Variants in TBX1 observed in about 807,000 individuals in gnomAD.
TBX1 encodes T-box transcription factor 1, also known as T-box transcription factor TBX1.
A neutral mutation model predicts 40.8 loss-of-function variants in TBX1; 16 were observed. The observed-to-expected ratio is 0.39, with a 90% CI of 0.27 to 0.60. The LOEUF (loss-of-function observed/expected upper bound fraction) is 0.60. TBX1 is among the 20% of genes least tolerant of loss of function. TBX1 has a pLI of 0.51. For synonymous variants in TBX1, 403 were observed against 336.8 expected (o/e 1.20, Z -2.15); for missense variants, 755 against 728.5 (o/e 1.04, Z -0.42).
chr22:19,770,880 G>T (rs1050446699), downstream of TBX1, among the ~76,000 whole-genome samples: 12 of 152,172 alleles, frequency 7.9e-5, no homozygotes, highest in African/African-American at 2.9e-4. Context: ...AGTGTGTCAG[G>T]CAGTGCAACC....
intron 8 of TBX1, among the ~76,000 whole-genome samples, chr22:19,779,060 T>C (rs1279978099): frequency 1.3e-5 from 2 of 152,222 alleles, no homozygotes; most frequent in African/African-American, 4.8e-5. Context: ...TGTCTGTGTC[T>C]GTGTCCTGTG....
chr22:19,778,429 T>C (rs957985322), intron 8 of TBX1, among the ~76,000 whole-genome samples: 5 of 149,680 alleles, frequency 3.3e-5, no homozygotes, highest in African/African-American at 1.2e-4. Context: ...TCTTTCTTTC[T>C]TTTCTTCTTC....
chr22:19,765,619 G>A (rs904891085), intron 4 of TBX1, 139 bp from the exon 5 acceptor site: 4 of 899,626 alleles, frequency 4.4e-6, no homozygotes, highest in Non-Finnish European at 6.8e-6. Flanking sequence ...GTAGAGGAGG[G>A]GCAGACGTGG....
chr22:19,778,449 T>C (rs1239210449), intron 8 of TBX1, among the ~76,000 whole-genome samples: 1 of 151,628 alleles, frequency 6.6e-6, no homozygotes, highest in Non-Finnish European at 1.5e-5. Context: ...CTTTTTTTTT[T>C]TTGAGACGGA....
intron 8 of TBX1, among the ~76,000 whole-genome samples, chr22:19,774,683 T>G (rs1601303725): frequency 6.6e-6 from 1 of 152,192 alleles, no homozygotes; most frequent in East Asian, 1.9e-4. Context: ...GGATGAACCC[T>G]GAGGTCCTTA....
upstream of TBX1, among the ~76,000 whole-genome samples, chr22:19,760,542 C>G (rs1158947963): frequency 7.1e-6 from 1 of 140,394 alleles, no homozygotes; most frequent in Non-Finnish European, 1.6e-5. Context: ...CCCGGCGCAC[C>G]GGTGAGCCGG....
chr22:19,773,080 G>A (rs1048465623), intron 8 of TBX1, among the ~76,000 whole-genome samples: 1 of 152,220 alleles, frequency 6.6e-6, no homozygotes, highest in South Asian at 2.1e-4. Context: ...GTTCCTCCAC[G>A]GATTCAGAGC....
At chr22:19,768,950 A>ATTATTTTTTTTTTTT (rs1601297935), downstream of TBX1, among the ~76,000 whole-genome samples, 2 of 70,724 alleles carry the variant, frequency 2.8e-5, no homozygotes, top group Non-Finnish European at 5.7e-5. Context: ...GGCTGTTCGC[A>ATTATTTTTTTTTTTT]TTCTTTTTTT....
Position 19,764,146 on chromosome 22 carries a change from C to G in TBX1, c.540-9C>G. ...TCCACATGCACGACCCCACCCCGTG[C>G]CGCTCCAGGTACGCCTTCCACAGCT... On this transcript the variant is annotated splice_polypyrimidine_tract_variant and intron_variant, in intron 2 of 6. Coordinates refer to ENST00000649276, the MANE Select transcript of TBX1 (RefSeq NM_001379200.1). The G allele has an allele frequency of 6.2e-7, 1 of 1,612,650 alleles. No homozygotes were observed. Among genetic ancestry groups the G allele is most frequent in the East Asian group, 2.2e-5 (1 of 44,874 alleles).
chr22:19,767,038 C>T lies in TBX1; in HGVS notation c.*171C>T. 1 of 1,320,864 alleles carries T rather than the reference C, an allele frequency of 7.6e-7. No homozygotes were observed. Among genetic ancestry groups the T allele is most frequent in the Non-Finnish European group, 9.6e-7 (1 of 1,039,542 alleles). The allele number at this position is 1,320,864 out of a possible 1,614,324, so 81.8% of individuals were successfully genotyped here. Reference sequence around the variant, plus strand: ...ATGGGGGCCCCCTCGCCACCCCCAGCCCCTTGGGCTATCGAAGTATCCGGT... The same window carrying T: ...ATGGGGGCCCCCTCGCCACCCCCAGTCCCTTGGGCTATCGAAGTATCCGGT... On this transcript the variant is annotated 3_prime_UTR_variant, in exon 7 of 7. Coordinates refer to ENST00000649276, the MANE Select transcript of TBX1 (RefSeq NM_001379200.1).
upstream of TBX1, among the ~76,000 whole-genome samples, chr22:19,760,257 C>G (rs1292355807): frequency 7.3e-6 from 1 of 137,304 alleles, no homozygotes; most frequent in Non-Finnish European, 1.6e-5. Context: ...AAAGGACATA[C>G]AAAAATAAGA....
At chr22:19,776,064 C>T (rs1037799808) in intron 8 of TBX1, among the ~76,000 whole-genome samples, 4 of 152,154 alleles carry the variant, frequency 2.6e-5, no homozygotes, top group African/African-American at 7.2e-5. Context: ...GTGTAAGCCA[C>T]GTGGGCACAG....
chr22:19,773,445 TG>T, intron 8 of TBX1, among the ~76,000 whole-genome samples: 1 of 152,232 alleles, frequency 6.6e-6, no homozygotes, highest in South Asian at 2.1e-4. Flanking sequence ...GACTTGCAAC[TG>T]GGGGCACCCT....
rs1403125640 is a variant in TBX1 at position 19,767,329 on chromosome 22, T to C, written c.*462T>C. 18 of 987,998 alleles carry C rather than the reference T, an allele frequency of 1.8e-5. No homozygotes were observed. Among genetic ancestry groups the C allele is most frequent in the Non-Finnish European group, 2.0e-5 (17 of 831,656 alleles). 61.2% of individuals were successfully genotyped at this position (987,998 alleles called of 1,614,324 possible). A position where few individuals can be genotyped will look rare whatever the true frequency, so the allele number is the denominator to read the frequency against. ...GACTTGATAAACGGTTTCGCCTCTT[T>C]TGGAAGCCGCCTGCGTGTCCATTTA... is the stretch of plus-strand genomic sequence containing the variant. On this transcript the variant is annotated 3_prime_UTR_variant, in exon 7 of 7. Transcript: ENST00000649276.
chr22:19,756,943 CG>C (rs1015247697), upstream of TBX1, among the ~76,000 whole-genome samples: 11 of 151,566 alleles, frequency 7.3e-5, no homozygotes, highest in Admixed American at 2.6e-4. Context: ...CGCGGCGGGG[CG>C]GTGCCCTAGG....
intron 2 of TBX1, 179 bp downstream of exon 2, chr22:19,763,521 A>C: frequency 1.6e-6 from 1 of 626,612 alleles, no homozygotes; most frequent in Non-Finnish European, 2.8e-6. Flanking sequence ...CCACAACCCT[A>C]CTCCATGCCC....
downstream of TBX1, among the ~76,000 whole-genome samples, chr22:19,769,825 C>G (rs1373793307): frequency 6.6e-6 from 1 of 152,258 alleles, no homozygotes; most frequent in Non-Finnish European, 1.5e-5. Flanking sequence ...ATGCTGCTCA[C>G]AGACCTCCAG....
At chr22:19,775,203 C>G (rs1033300575) in intron 8 of TBX1, among the ~76,000 whole-genome samples, 1 of 152,190 alleles carries the variant, frequency 6.6e-6, no homozygotes, top group Non-Finnish European at 1.5e-5. Context: ...AAGCGATTCT[C>G]CTGCCTCAGC....
intron 3 of TBX1, 112 bp from the exon 4 acceptor site, chr22:19,764,846 A>G (rs1444798072): frequency 9.7e-6 from 13 of 1,345,936 alleles, no homozygotes; most frequent in Admixed American, 1.7e-5. Flanking sequence ...GTTTTGCCCA[A>G]CTCATCCAGG....
Sources: gnomAD v4.1 joint callset for allele counts (sites outside exome capture counted in the v4.1 genomes callset) on GRCh38, gnomAD v4.1.1 for gene constraint, MANE v1.5 for transcripts, NCBI Gene and HGNC (gene_info 2026-07-23, HGNC 2026-07-21) for gene names.